The following TCEA1 variants were observed in gnomAD, a reference collection of about 807,000 sequenced individuals.
TCEA1 encodes the protein transcription elongation factor A protein 1.
Under a neutral mutation model 43.8 loss-of-function variants are expected in TCEA1, and 21 were observed. The ratio of observed to expected loss-of-function variants is 0.48; its 90% CI spans 0.34 to 0.69. The LOEUF is 0.69. Ranked by LOEUF, TCEA1 falls within the 30% of genes least tolerant of loss-of-function variation. The probability of loss-of-function intolerance (pLI) is 0.01; values close to 1 mark genes in which losing one functional copy is unlikely to be tolerated. For synonymous variants in TCEA1, 104 were observed against 117.5 expected, an observed-to-expected ratio of 0.88 and a Z score of 0.75; for missense variants, 250 against 365.1, an observed-to-expected ratio of 0.68 and a Z score of 2.57.
chr8:53,993,732 G>C lies in TCEA1; in HGVS notation c.256C>G (p.Leu86Val), dbSNP rs61748782. The C allele has an allele frequency of 6.2e-7, 1 of 1,613,416 alleles. No homozygotes were observed. The highest frequency in any genetic ancestry group is 8.5e-7 in the Non-Finnish European group (1 of 1,179,724). ...GCAGGTTCTTTCTTCTTTTCGTCAA[G>C]GTCTTTCTCAGTTGATGGCCCATCT... ...LLDGPSTEKD[L>V]DEKKKEPAIT... Residue 86 changes from leucine (L) to valine (V), a missense_variant, in exon 4 of 10, where the codon CTT becomes GTT. Around this residue, in one of 4 missense-constraint regions of TCEA1, gnomAD observed 147 missense variants for 160.3 expected, o/e 0.92. Coordinates refer to ENST00000521604, the MANE Select transcript of TCEA1 (RefSeq NM_006756.4).
intron 9 of TCEA1, 116 bp downstream of exon 9, chr8:53,970,276 T>A: frequency 1.3e-6 from 1 of 776,048 alleles, no homozygotes; most frequent in Non-Finnish European, 2.4e-6. Context: ...ACAAGAGTAC[T>A]GTATAGTGTG....
In TCEA1 at chr8:53,988,102, C is replaced by T. The variant is rs1470272463; in HGVS notation, c.466+12G>A. 1 of 1,609,148 alleles carries T rather than the reference C, an allele frequency of 6.2e-7. No homozygotes were observed. Among genetic ancestry groups the T allele is most frequent in the African/African-American group, 1.3e-5 (1 of 74,810 alleles). On this transcript the variant is annotated intron_variant, in intron 5 of 9. Transcript: ENST00000521604. Reference sequence around the variant, plus strand: ...GACCAAAGGACTGAGAAATAACATGCACTGGACTTACCCCCTGTTCGAAGA... The same window carrying T: ...GACCAAAGGACTGAGAAATAACATGTACTGGACTTACCCCCTGTTCGAAGA...
Position 53,993,649 on chromosome 8 carries a change from T to A in TCEA1, c.320+19A>T. The A allele has an allele frequency of 6.3e-7, 1 of 1,584,552 alleles. No individual in the cohort carries two copies. The highest frequency in any genetic ancestry group is 8.6e-7 in the Non-Finnish European group (1 of 1,157,738). ...AACTATGACTTTCAATATAAATATA[T>A]GTCTATACTGTGAAGTACCTTTCTT... On this transcript the variant is annotated intron_variant, in intron 4 of 9. Transcript: ENST00000521604.
chr8:53,984,665 C>G, intron 6 of TCEA1, 148 bp from the exon 7 acceptor site: 1 of 561,056 alleles, frequency 1.8e-6, no homozygotes, highest in Non-Finnish European at 2.9e-6. Flanking sequence ...TGGTGGATCA[C>G]GAGGTCAGGA....
Position 53,972,751 on chromosome 8 carries a change from T to G in TCEA1, c.826-2288A>C, listed in dbSNP as rs1353803513. On this transcript the variant is annotated intron_variant, in intron 8 of 9. Coordinates refer to ENST00000521604, the MANE Select transcript of TCEA1 (RefSeq NM_006756.4). Reference sequence around the variant, plus strand: ...CTGAGAGGTTATCAACTCAAATGACTGAAGTACTATTATGCAGTAGTAGAC... The same window carrying G: ...CTGAGAGGTTATCAACTCAAATGACGGAAGTACTATTATGCAGTAGTAGAC... The G allele has an allele frequency of 4.4e-5, 31 of 707,658 alleles. No homozygotes were observed. In the Admixed American group the frequency reaches 5.5e-4, roughly 13 times the overall value. The allele number at this position is 707,658 out of a possible 1,614,324, so 43.8% of individuals were successfully genotyped here.
intron 1 of TCEA1, among the ~76,000 whole-genome samples, chr8:54,013,487 T>C (rs1338548960): frequency 4.6e-5 from 7 of 151,988 alleles, no homozygotes; most frequent in Non-Finnish European, 8.8e-5. Flanking sequence ...GAGACCAGCC[T>C]GGCCAACATG....
intron 7 of TCEA1, among the ~76,000 whole-genome samples, chr8:53,982,527 G>A (rs533844745): frequency 6.8e-6 from 1 of 146,182 alleles, no homozygotes; most frequent in East Asian, 2.1e-4. Context: ...AGAATCGCTT[G>A]AACCCAGGAG....
intron 3 of TCEA1, among the ~76,000 whole-genome samples, chr8:53,998,723 C>T (rs1767700042): frequency 6.6e-6 from 1 of 152,064 alleles, no homozygotes; most frequent in Non-Finnish European, 1.5e-5. Flanking sequence ...ATGTACATTT[C>T]CTACACAGGT....
At chr8:53,978,746 TTGTTA>T (rs1158557133) in intron 8 of TCEA1, 5 of 297,244 alleles carry the variant, frequency 1.7e-5, no homozygotes, top group Non-Finnish European at 3.1e-5. Context: ...TAACAGTATC[TTGTTA>T]TAATTATTCT....
intron 8 of TCEA1, among the ~76,000 whole-genome samples, chr8:53,976,169 TAA>T (rs896567505): frequency 6.6e-6 from 1 of 152,168 alleles, no homozygotes; most frequent in African/African-American, 2.4e-5. Flanking sequence ...TGAAATTCCG[TAA>T]GAGATGATAA....
intron 1 of TCEA1, among the ~76,000 whole-genome samples, chr8:54,016,852 T>C (rs911886028): frequency 2.6e-5 from 4 of 151,602 alleles, no homozygotes; most frequent in African/African-American, 7.3e-5. Flanking sequence ...TGCGCGCCTA[T>C]AGTCCCAGCT....
At chr8:53,980,527 T>C (rs375644695) in intron 7 of TCEA1, among the ~76,000 whole-genome samples, 2 of 152,212 alleles carry the variant, frequency 1.3e-5, no homozygotes, top group East Asian at 3.8e-4. Context: ...ACTATTATTA[T>C]ATCTGTTAGG....
At chr8:53,984,642 G>A in intron 6 of TCEA1, 125 bp from the exon 7 acceptor site, 1 of 680,538 alleles carries the variant, frequency 1.5e-6, no homozygotes, top group Non-Finnish European at 2.2e-6. Flanking sequence ...CCAGCACTTT[G>A]GGAGGCTGAG....
At position 53,967,827 on chromosome 8, in the gene TCEA1, A is replaced by G. The variant is rs372331068; in HGVS notation, c.*277T>C. ...GTTAAGGTATATTTTCCTTTAAGAA[A>G]GAAGAAATATTGCCAAGAGTTTAAT... On this transcript the variant is annotated 3_prime_UTR_variant, in exon 10 of 10. Coordinates refer to ENST00000521604, the MANE Select transcript of TCEA1 (RefSeq NM_006756.4). 55 of 356,636 alleles carry G rather than the reference A, an allele frequency of 1.5e-4. No homozygotes were observed. The highest frequency in any genetic ancestry group is 1.5e-3 in the East Asian group (39 of 25,456). 22.1% of individuals were successfully genotyped at this position (356,636 alleles called of 1,614,324 possible). A position where few individuals can be genotyped will look rare whatever the true frequency, so the allele number is the denominator to read the frequency against.
chr8:54,010,319 A>G lies in TCEA1; in HGVS notation c.126+111T>C, dbSNP rs958659263. 12 of 793,430 alleles carry G rather than the reference A, an allele frequency of 1.5e-5. No individual in the cohort carries two copies. The African/African-American group carries it at 2.2e-4, about 14-fold the overall frequency. 49.1% of individuals were successfully genotyped at this position (793,430 alleles called of 1,614,324 possible). A position where few individuals can be genotyped will look rare whatever the true frequency, so the allele number is the denominator to read the frequency against. ...TCTTTAAAAAAAAATAGCAGTTAGT[A>G]ATGGTTTACACCATTATCAAGAGAC... On this transcript the variant is annotated intron_variant, in intron 2 of 9. Coordinates refer to ENST00000521604, the MANE Select transcript of TCEA1 (RefSeq NM_006756.4).
At position 53,988,222 on chromosome 8, in the gene TCEA1, T is replaced by C. The variant is rs773716419; in HGVS notation, c.358A>G (p.Thr120Ala). The change falls in exon 5 of 10, where the codon ACA becomes GCA. Residue 120 changes from threonine (T) to alanine (A), a missense_variant. Physicochemically the swap from Thr to Ala is moderately conservative, Grantham distance 58. Coordinates refer to ENST00000521604, the MANE Select transcript of TCEA1 (RefSeq NM_006756.4). ...SGNVSNRKDETNARDTYVSSF... is the reference protein window; with the variant it reads ...SGNVSNRKDEANARDTYVSSF... ...GAAACATAAGTATCTCGAGCATTTG[T>C]CTCATCCTTTCTGTTGCTTACATTG... 3.7e-6 allele frequency: 6 copies of C among 1,613,488 alleles called. No individual in the cohort carries two copies. The African/African-American group carries it at 5.3e-5, about 14-fold the overall frequency.
chr8:54,008,319 T>TCAACAACAA (rs34975029), intron 2 of TCEA1, among the ~76,000 whole-genome samples: 1 of 150,520 alleles, frequency 6.6e-6, no homozygotes, highest in South Asian at 2.1e-4. Flanking sequence ...GTCAAACAAT[T>TCAACAACAA]CAACAACAAC....
At chr8:53,983,768 T>C (rs1337470677) in intron 7 of TCEA1, among the ~76,000 whole-genome samples, 1 of 152,172 alleles carries the variant, frequency 6.6e-6, no homozygotes. Context: ...ATTAAGAGAT[T>C]CAACTCTCTG....
chr8:53,983,622 T>G (rs912086975), intron 7 of TCEA1, among the ~76,000 whole-genome samples: 1 of 151,284 alleles, frequency 6.6e-6, no homozygotes, highest in Admixed American at 6.6e-5. Flanking sequence ...GAGCCAAGAC[T>G]ATGCCATTGC....
Sources: allele counts gnomAD v4.1 joint callset (sites outside exome capture counted in the v4.1 genomes callset), GRCh38; gene constraint gnomAD v4.1.1; regional missense constraint gnomAD v4.1.1; transcripts MANE v1.5; gene names NCBI Gene and HGNC (gene_info 2026-07-23, HGNC 2026-07-21).